Variants in SERPINE3 observed in about 807,000 individuals in gnomAD.
SERPINE3 encodes serpin family E member 3, also known as serpin E3.
Under a neutral mutation model 41.7 loss-of-function variants are expected in SERPINE3, and 43 were observed. The ratio of observed to expected loss-of-function variants is 1.03; its 90% CI spans 0.81 to 1.33. The LOEUF is 1.33. Among genes scored for constraint, SERPINE3 ranks in the 40% most tolerant of loss-of-function variants. The pLI is 0.00. For synonymous variants in SERPINE3, 200 were observed against 192.2 expected (o/e 1.04, Z -0.34); for missense variants, 440 against 491.7 (o/e 0.89, Z 0.99).
intron 6 of SERPINE3, among the ~76,000 whole-genome samples, chr13:51,350,151 A>G (rs1186782475): frequency 2.6e-5 from 4 of 152,162 alleles, no homozygotes; most frequent in Non-Finnish European, 1.5e-5. Flanking sequence ...AAAATTTTGC[A>G]CACTGTGGGT....
chr13:51,344,499 G>C lies in SERPINE3; in HGVS notation c.490+14G>C. 2.6e-6 allele frequency: 4 copies of C among 1,545,644 alleles called. No homozygotes were observed. Among genetic ancestry groups the C allele is most frequent in the Non-Finnish European group, 3.5e-6 (4 of 1,138,974 alleles). On this transcript the variant is annotated intron_variant, in intron 4 of 9. Coordinates refer to ENST00000681248, the MANE Select transcript of SERPINE3 (RefSeq NM_001386375.1). Reference sequence around the variant, plus strand: ...GAGAGACTGCAGGTAAAAGAAAACTGTACATTTCAACAAGGCTAAGGCAGA... The same window carrying C: ...GAGAGACTGCAGGTAAAAGAAAACTCTACATTTCAACAAGGCTAAGGCAGA...
At chr13:51,357,010 CT>C in intron 7 of SERPINE3, among the ~76,000 whole-genome samples, 1 of 152,230 alleles carries the variant, frequency 6.6e-6, no homozygotes, top group South Asian at 2.1e-4. Context: ...CTACCACCTG[CT>C]TTTGTGAAGT....
At position 51,341,132 on chromosome 13, in the gene SERPINE3, G is replaced by C. The variant is rs1392454146; in HGVS notation, c.41G>C (p.Cys14Ser). Reference sequence around the variant, plus strand: ...ATCACCCTCTTCCTCTTTCACTCTTGCTGCCTCCGAGCAAATGGCCACCTC... The same window carrying C: ...ATCACCCTCTTCCTCTTTCACTCTTCCTGCCTCCGAGCAAATGGCCACCTC... ...FLITLFLFHS[C>S]CLRANGHLRE... The change falls in exon 3 of 10, where the codon TGC becomes TCC. Residue 14 changes from cysteine (C) to serine (S), a missense_variant. Transcript: ENST00000681248. 6.2e-7 allele frequency: 1 copy of C among 1,613,904 alleles called. No homozygotes were observed. Among genetic ancestry groups the C allele is most frequent in the Non-Finnish European group, 8.5e-7 (1 of 1,179,874 alleles).
rs1429860116 is a variant in SERPINE3, at chr13:51,348,430, C to T, written c.899+19C>T. On this transcript the variant is annotated intron_variant, in intron 6 of 9. Coordinates refer to ENST00000681248, the MANE Select transcript of SERPINE3 (RefSeq NM_001386375.1). ...TGCCCAGGTGAGCAGCTGAGTCCCC[C>T]TCACAGGTGCTGTGCAGCCAGCAGT... is the stretch of plus-strand genomic sequence containing the variant. The T allele has an allele frequency of 3.7e-6, 6 of 1,602,072 alleles. No homozygotes were observed. Among genetic ancestry groups the T allele is most frequent in the Non-Finnish European group, 5.1e-6 (6 of 1,172,214 alleles).
rs1955641779 is a variant in SERPINE3, at chr13:51,364,275, T to C, written c.1208T>C (p.Leu403Pro). ...VFSIGRVSNP[L>P]D is the part of the protein sequence containing the mutation. The stretch of plus-strand genomic sequence containing the variant: ...AGTATTGGGAGAGTTTCAAATCCCC[T>C]AGACTAAATGCATGTTCTCCACTTT... Residue 403 changes from leucine to proline, a missense_variant, in exon 10 of 10, where the codon CTA (leucine) becomes CCA (proline). Leu to Pro is a moderately conservative substitution (Grantham distance 98, BLOSUM62 -3). Transcript: ENST00000681248. 2 of 1,474,196 alleles carry C rather than the reference T, an allele frequency of 1.4e-6. No homozygotes were observed. The highest frequency in any genetic ancestry group is 1.2e-5 in the South Asian group (1 of 80,044). The allele number at this position is 1,474,196 out of a possible 1,614,324, so 91.3% of individuals were successfully genotyped here.
chr13:51,360,900 A>T (rs1001849248), intron 7 of SERPINE3, among the ~76,000 whole-genome samples: 2 of 152,016 alleles, frequency 1.3e-5, no homozygotes, highest in East Asian at 1.9e-4. Context: ...TTTAACACAT[A>T]CCCTATGATC....
At chr13:51,339,947 A>AGG (rs1312942334) in intron 1 of SERPINE3, among the ~76,000 whole-genome samples, 2 of 152,178 alleles carry the variant, frequency 1.3e-5, no homozygotes, top group Non-Finnish European at 2.9e-5. Context: ...AGAGAGAGAG[A>AGG]GAGCCCTATG....
chr13:51,353,270 C>T (rs1318978904), intron 6 of SERPINE3, among the ~76,000 whole-genome samples: 1 of 152,096 alleles, frequency 6.6e-6, no homozygotes, highest in East Asian at 1.9e-4. Context: ...TTTCAAATAG[C>T]CCTTAATTAA....
chr13:51,347,335 G>A, intron 5 of SERPINE3, 101 bp downstream of exon 5: 2 of 1,000,940 alleles, frequency 2.0e-6, no homozygotes, highest in Non-Finnish European at 3.1e-6. Flanking sequence ...ATCGGGATGT[G>A]TTTCCGCAGG....
In SERPINE3 at chr13:51,347,123, A is replaced by T. The variant is rs747790838; in HGVS notation, c.589A>T (p.Thr197Ser). ...TGTGAGCACCATGTCCTTCCAAGGC[A>T]CTTGGCGAAAGAGATTCTCCTCCAC... ...VLVSTMSFQG[T>S]WRKRFSSTDT... The change falls in exon 5 of 10, where the codon ACT becomes TCT. Residue 197 changes from threonine to serine, a missense_variant. Coordinates refer to ENST00000681248, the MANE Select transcript of SERPINE3 (RefSeq NM_001386375.1). 1.2e-6 allele frequency: 2 copies of T among 1,613,382 alleles called. No individual in the cohort carries two copies. The highest frequency in any genetic ancestry group is 1.7e-6 in the Non-Finnish European group (2 of 1,179,676).
intron 3 of SERPINE3, 61 bp from the exon 4 acceptor site, chr13:51,344,191 G>A: frequency 8.2e-7 from 1 of 1,214,174 alleles, no homozygotes; most frequent in East Asian, 2.4e-5. Flanking sequence ...TGTGCTGGAG[G>A]TTGTGCTAAC....
intron 7 of SERPINE3, among the ~76,000 whole-genome samples, chr13:51,358,337 G>A (rs1179716237): frequency 6.6e-6 from 1 of 152,144 alleles, no homozygotes; most frequent in African/African-American, 2.4e-5. Context: ...TGATTTATGA[G>A]AAGCTGAGGA....
At chr13:51,351,054 T>C (rs1273411798) in intron 6 of SERPINE3, among the ~76,000 whole-genome samples, 2 of 152,170 alleles carry the variant, frequency 1.3e-5, no homozygotes, top group African/African-American at 4.8e-5. Flanking sequence ...AATTTATAGA[T>C]ATTTGAGTGC....
Position 51,341,200 on chromosome 13 carries a change from C to T in SERPINE3, c.109C>T (p.Leu37Phe), listed in dbSNP as rs1258346178. 5.6e-6 allele frequency: 9 copies of T among 1,613,934 alleles called. No homozygotes were observed. Among genetic ancestry groups the T allele is most frequent in the Non-Finnish European group, 7.6e-6 (9 of 1,179,900 alleles). ...GCTGAAGACTGAGTTTGCACTTCAC[C>T]TCTACCAGAGTGTGGCCGCGTGTAG... ...TLLKTEFALH[L>F]YQSVAACRNE... The change falls in exon 3 of 10, where the codon CTC (leucine) becomes TTC (phenylalanine). Residue 37 changes from leucine to phenylalanine, a missense_variant. Coordinates refer to ENST00000681248, the MANE Select transcript of SERPINE3 (RefSeq NM_001386375.1).
chr13:51,340,767 G>C lies in SERPINE3; in HGVS notation c.-95-17G>C, dbSNP rs1420514251. 1 of 397,364 alleles carries C rather than the reference G, an allele frequency of 2.5e-6. No homozygotes were observed. Among genetic ancestry groups the C allele is most frequent in the Admixed American group, 4.2e-5 (1 of 23,806 alleles). The allele number at this position is 397,364 out of a possible 1,614,324, so 24.6% of individuals were successfully genotyped here. A position where few individuals can be genotyped will look rare whatever the true frequency, so the allele number is the denominator to read the frequency against. On this transcript the variant is annotated splice_polypyrimidine_tract_variant and intron_variant, in intron 1 of 9. Coordinates refer to ENST00000681248, the MANE Select transcript of SERPINE3 (RefSeq NM_001386375.1). ...ATTTCTTTTCCCAACATAATGCTTT[G>C]CTTCTGATCTGACCAGGGCTTTGCT...
intron 6 of SERPINE3, among the ~76,000 whole-genome samples, chr13:51,348,848 G>GTCCCC: frequency 6.6e-6 from 1 of 150,484 alleles, no homozygotes; most frequent in Non-Finnish European, 1.5e-5. Context: ...ACGTAATTGA[G>GTCCCC]CAAGTACAGA....
chr13:51,363,105 A>G (rs1028005149), intron 9 of SERPINE3: 9 of 152,114 alleles, frequency 5.9e-5, no homozygotes, highest in African/African-American at 2.2e-4. Context: ...TTGAACAGAA[A>G]GGTCATTGCC....
chr13:51,359,286 C>T (rs1410841162), intron 7 of SERPINE3, among the ~76,000 whole-genome samples: 1 of 152,024 alleles, frequency 6.6e-6, no homozygotes, highest in Non-Finnish European at 1.5e-5. Context: ...ATCTGTAATA[C>T]AAGATCAAGT....
At chr13:51,346,806 G>C (rs527503618) in intron 4 of SERPINE3, among the ~76,000 whole-genome samples, 14 of 152,296 alleles carry the variant, frequency 9.2e-5, no homozygotes, top group Non-Finnish European at 1.9e-4. Flanking sequence ...AGCAGCTCCT[G>C]GTGCCTTGGG....
Sources: gnomAD v4.1 joint callset for allele counts (sites outside exome capture counted in the v4.1 genomes callset) on GRCh38, gnomAD v4.1.1 for gene constraint, MANE v1.5 for transcripts, NCBI Gene and HGNC (gene_info 2026-07-23, HGNC 2026-07-21) for gene names.